The following SYNPR variants were observed in gnomAD, a reference collection of about 807,000 sequenced individuals.
SYNPR encodes synaptoporin.
A neutral mutation model predicts 32.9 loss-of-function variants in SYNPR; 23 were observed. That is an observed-to-expected ratio of 0.70 (90% CI 0.50 to 0.99). The LOEUF is 0.99. Ranked by LOEUF, SYNPR falls within the 50% of genes least tolerant of loss-of-function variation. The pLI, the probability that SYNPR is intolerant of heterozygous loss-of-function variation, is 0.00. For synonymous variants in SYNPR, 146 were observed against 135.9 expected, an observed-to-expected ratio of 1.07 and a Z score of -0.52; for missense variants, 318 against 349.3, an observed-to-expected ratio of 0.91 and a Z score of 0.71.
intron 2 of SYNPR, among the ~76,000 whole-genome samples, chr3:63,368,159 G>A (rs554327822): frequency 9.2e-5 from 14 of 152,294 alleles, no homozygotes; most frequent in African/African-American, 3.4e-4. Context: ...CAAAGAGAGA[G>A]GTGTTTGCCT....
rs1489277697 is a variant in SYNPR at position 63,443,249 on chromosome 3, C to A, written c.85-37583C>A. On this transcript the variant is annotated intron_variant, in intron 2 of 5. Coordinates refer to ENST00000478300, the MANE Select transcript of SYNPR (RefSeq NM_001130003.2). ...ATATGACCGTTTTGCCATCTCTCTG[C>A]AAATGAGGCTGAAGCTGCTATCTGA... 15 of 1,420,396 alleles carry A rather than the reference C, an allele frequency of 1.1e-5. No individual in the cohort carries two copies. In the South Asian group the frequency reaches 1.1e-4, roughly 10 times the overall value. The allele number at this position is 1,420,396 out of a possible 1,614,324, so 88.0% of individuals were successfully genotyped here.
intron 2 of SYNPR, among the ~76,000 whole-genome samples, chr3:63,341,019 A>C (rs2087363289): frequency 6.6e-6 from 1 of 152,178 alleles, no homozygotes; most frequent in Non-Finnish European, 1.5e-5. Context: ...AAAATCCTCT[A>C]TGCTCTATCT....
rs758389969 is a variant in SYNPR at position 63,233,794 on chromosome 3, G to A, written n.66+5414G>A. Among the ~76,000 whole-genome samples the A allele has an allele frequency of 2.0e-4, 30 of 152,158 alleles. 1 individual carries two copies. The highest frequency in any genetic ancestry group is 2.6e-4 in the Admixed American group (4 of 15,268). ...TCCTCAAGTCATCCTGTATAGATATGCAATCCAAATAAAACAGTATGTATG... is the reference window on the plus strand; with the variant it reads ...TCCTCAAGTCATCCTGTATAGATATACAATCCAAATAAAACAGTATGTATG... On this transcript the variant is annotated intron_variant and non_coding_transcript_variant, in intron 1 of 4. Coordinates refer to the SYNPR transcript ENST00000478456.
chr3:63,371,226 CT>C lies in SYNPR; in HGVS notation c.84+92485del, dbSNP rs563811224. On this transcript the variant is annotated intron_variant, in intron 2 of 5. Transcript: ENST00000478300. ...GCAACCCTGGGCTCAGGAGATCCCC[CT>C]GTGAGCCCACCCCACAGGGGCCTCC... Among the ~76,000 whole-genome samples, 45 of 152,142 alleles carry C rather than the reference CT, an allele frequency of 3.0e-4. 1 individual carries two copies. Among genetic ancestry groups the C allele is most frequent in the African/African-American group, 9.9e-4 (41 of 41,528 alleles).
chr3:63,476,126 G>GA (rs1700899809), intron 2 of SYNPR, among the ~76,000 whole-genome samples: 1 of 34,146 alleles, frequency 2.9e-5, no homozygotes. Context: ...AGGAAGGAAG[G>GA]AAGGAAGGAA....
At chr3:63,312,779 A>C (rs1270743544) in intron 2 of SYNPR, among the ~76,000 whole-genome samples, 1 of 151,976 alleles carries the variant, frequency 6.6e-6, no homozygotes, top group Non-Finnish European at 1.5e-5. Context: ...GCTCCATACC[A>C]GGGCCACTGG....
intron 3 of SYNPR, among the ~76,000 whole-genome samples, chr3:63,271,900 A>G (rs2086538138): frequency 6.6e-6 from 1 of 152,124 alleles, no homozygotes; most frequent in African/African-American, 2.4e-5. Flanking sequence ...TGAATGACCA[A>G]ATATTCTTGC....
intron 2 of SYNPR, among the ~76,000 whole-genome samples, chr3:63,313,810 C>G (rs1209189693): frequency 6.1e-4 from 5 of 8,230 alleles, no homozygotes; most frequent in African/African-American, 3.6e-3. Flanking sequence ...TATATATATC[C>G]ATATATATAT....
At chr3:63,369,377 G>A (rs1228269539) in intron 2 of SYNPR, among the ~76,000 whole-genome samples, 2 of 152,174 alleles carry the variant, frequency 1.3e-5, no homozygotes, top group African/African-American at 4.8e-5. Context: ...ATGGAGGAGG[G>A]GGTTAAGTGT....
At chr3:63,470,247 T>G (rs1650624258) in intron 2 of SYNPR, among the ~76,000 whole-genome samples, 1 of 152,236 alleles carries the variant, frequency 6.6e-6, no homozygotes, top group South Asian at 2.1e-4. Context: ...TTACTTTTTT[T>G]GCTTTAAAAA....
chr3:63,382,229 C>G (rs1333039443), intron 2 of SYNPR, among the ~76,000 whole-genome samples: 1 of 152,176 alleles, frequency 6.6e-6, no homozygotes, highest in Non-Finnish European at 1.5e-5. Flanking sequence ...AATCCAGGCT[C>G]CCAAGGTGAT....
chr3:63,610,414 T>C (rs998855828), intron 5 of SYNPR: 3 of 654,358 alleles, frequency 4.6e-6, no homozygotes, highest in Non-Finnish European at 8.4e-6. Flanking sequence ...TGAAAGAACA[T>C]TCTTTAGCAC....
intron 4 of SYNPR, among the ~76,000 whole-genome samples, chr3:63,558,727 C>T (rs1411875528): frequency 6.6e-6 from 1 of 151,920 alleles, no homozygotes; most frequent in Admixed American, 6.6e-5. Flanking sequence ...GTAGTGATCA[C>T]TCAACCCAAA....
intron 2 of SYNPR, among the ~76,000 whole-genome samples, chr3:63,434,473 T>C (rs1221867418): frequency 6.6e-6 from 1 of 152,190 alleles, no homozygotes; most frequent in Non-Finnish European, 1.5e-5. Flanking sequence ...ACACCCCCCC[T>C]TCATGGGGAA....
At chr3:63,412,060 G>A (rs2088473698) in intron 2 of SYNPR, among the ~76,000 whole-genome samples, 1 of 151,980 alleles carries the variant, frequency 6.6e-6, no homozygotes, top group African/African-American at 2.4e-5. Context: ...GAGGAGTAGA[G>A]TAGATTGGAG....
At chr3:63,347,118 G>C (rs1250738450) in intron 2 of SYNPR, among the ~76,000 whole-genome samples, 1 of 152,142 alleles carries the variant, frequency 6.6e-6, no homozygotes, top group East Asian at 1.9e-4. Flanking sequence ...GTTTGGGACA[G>C]AGTAAGTACT....
At chr3:63,581,330 G>T (rs1293554975) in intron 4 of SYNPR, among the ~76,000 whole-genome samples, 3 of 122,962 alleles carry the variant, frequency 2.4e-5, no homozygotes, top group African/African-American at 8.4e-5. Flanking sequence ...TGGGGACAGG[G>T]GTAGGTGGTT....
upstream of SYNPR, among the ~76,000 whole-genome samples, chr3:63,226,649 A>T (rs961333563): frequency 2.0e-5 from 3 of 152,152 alleles, no homozygotes; most frequent in African/African-American, 7.2e-5. Flanking sequence ...GAGATAAAAA[A>T]CTTGATCTCA....
At chr3:63,347,915 G>A (rs1237608296) in intron 2 of SYNPR, among the ~76,000 whole-genome samples, 2 of 121,524 alleles carry the variant, frequency 1.6e-5, no homozygotes, top group Non-Finnish European at 3.5e-5. Context: ...GTGTGTGTGT[G>A]TGTATGTATA....
Sources: allele counts gnomAD v4.1 joint callset (sites outside exome capture counted in the v4.1 genomes callset), GRCh38; gene constraint gnomAD v4.1.1; transcripts MANE v1.5; gene names NCBI Gene and HGNC (gene_info 2026-07-23, HGNC 2026-07-21).